Variants in KDM4B observed in about 807,000 individuals in gnomAD.
KDM4B encodes lysine demethylase 4B, also known as lysine-specific demethylase 4B.
KDM4B carries 32 observed loss-of-function variants against 125.2 expected under a neutral mutation model. The ratio of observed to expected loss-of-function variants is 0.26; its 90% CI spans 0.19 to 0.34. The LOEUF is 0.34. Among genes scored for constraint, KDM4B ranks in the 10% least tolerant of loss-of-function variants. The pLI is 1.00. For synonymous variants in KDM4B, 721 were observed against 677.9 expected (o/e 1.06, Z -0.99); for missense variants, 1,190 against 1,577.7 (o/e 0.75, Z 4.16).
At chr19:4,990,984 G>C (rs565494269) in intron 1 of KDM4B, among the ~76,000 whole-genome samples, 1 of 152,248 alleles carries the variant, frequency 6.6e-6, no homozygotes, top group Non-Finnish European at 1.5e-5. Context: ...AGCTGGGCGT[G>C]ATGGCGGGCG....
intron 10 of KDM4B, chr19:5,111,754 T>G: frequency 1.3e-6 from 1 of 765,072 alleles, no homozygotes; most frequent in Non-Finnish European, 2.4e-6. Flanking sequence ...AGCAAACATT[T>G]GTGACTTGGC....
At chr19:5,008,123 T>C (rs2035617258) in intron 1 of KDM4B, among the ~76,000 whole-genome samples, 1 of 152,222 alleles carries the variant, frequency 6.6e-6, no homozygotes, top group Non-Finnish European at 1.5e-5. Flanking sequence ...AAAAAGTTTT[T>C]AAAAAGAGTT....
At chr19:4,972,073 G>A (rs926062488) in intron 1 of KDM4B, among the ~76,000 whole-genome samples, 1 of 152,216 alleles carries the variant, frequency 6.6e-6, no homozygotes, top group African/African-American at 2.4e-5. Context: ...GCTCGATGGG[G>A]TCTTCAGATG....
At position 5,071,000 on chromosome 19, in the gene KDM4B, T is replaced by C; in HGVS notation, c.627-10T>C. 6.2e-7 allele frequency: 1 copy of C among 1,613,516 alleles called. No individual in the cohort carries two copies. The highest frequency in any genetic ancestry group is 8.5e-7 in the Non-Finnish European group (1 of 1,179,948). On this transcript the variant is annotated splice_polypyrimidine_tract_variant and intron_variant, in intron 6 of 22. Coordinates refer to ENST00000159111, the MANE Select transcript of KDM4B (RefSeq NM_015015.3). ...GATCTTGCCTCTGACGTGCCTCCCT[T>C]CTCTCGCAGGTACGCCATCCCACCA...
rs754683186 is a variant in KDM4B at position 5,110,627 on chromosome 19, G to A, written c.924G>A (p.Thr308=). ...IDYGKVATQC[T]CRKDMVKISM... is the part of the protein sequence containing the mutation. Reference sequence around the variant, plus strand: ...GACCGTGTCCCCTGCCGCAGTGCACGTGCCGGAAGGACATGGTCAAGATCT... The same window carrying A: ...GACCGTGTCCCCTGCCGCAGTGCACATGCCGGAAGGACATGGTCAAGATCT... The change falls in exon 10 of 23, where the codon ACG becomes ACA. Residue 308 remains threonine (T), a synonymous_variant. Transcript: ENST00000159111. 1.1e-5 allele frequency: 17 copies of A among 1,612,768 alleles called. No individual in the cohort carries two copies. The highest frequency in any genetic ancestry group is 1.3e-5 in the African/African-American group (1 of 74,912).
intron 10 of KDM4B, 66 bp downstream of exon 10, chr19:5,110,884 C>T (rs1172011400): frequency 8.1e-6 from 11 of 1,354,056 alleles, no homozygotes; most frequent in Non-Finnish European, 1.1e-5. Context: ...CTGGGTGGCC[C>T]AGGCCCCTTC....
At chr19:5,102,036 A>C (rs2038946436) in intron 9 of KDM4B, among the ~76,000 whole-genome samples, 1 of 152,140 alleles carries the variant, frequency 6.6e-6, no homozygotes, top group African/African-American at 2.4e-5. Context: ...GTGCTGCGGC[A>C]GTCCTCGCGC....
chr19:5,104,914 C>T (rs2039005999), intron 9 of KDM4B, among the ~76,000 whole-genome samples: 1 of 152,174 alleles, frequency 6.6e-6, no homozygotes, highest in African/African-American at 2.4e-5. Flanking sequence ...TGTCTGGGCT[C>T]ATTAAGATAA....
intron 9 of KDM4B, among the ~76,000 whole-genome samples, chr19:5,098,221 C>T (rs1230272035): frequency 6.6e-6 from 1 of 152,100 alleles, no homozygotes; most frequent in Admixed American, 6.5e-5. Flanking sequence ...CTCTGGGGAG[C>T]GGATTTCTTT....
intron 6 of KDM4B, among the ~76,000 whole-genome samples, chr19:5,056,818 G>A (rs1205279664): frequency 2.0e-5 from 3 of 151,028 alleles, no homozygotes; most frequent in African/African-American, 4.9e-5. Context: ...CTGGGGCGGG[G>A]AGTCCTGGGG....
rs2039964479 is a variant in KDM4B at position 5,152,438 on chromosome 19, G to C, written c.*927G>C. The C allele has an allele frequency of 6.6e-6, 1 of 152,338 alleles. No homozygotes were observed. The highest frequency in any genetic ancestry group is 1.5e-5 in the Non-Finnish European group (1 of 68,122). The allele number at this position is 152,338 out of a possible 1,614,324, so 9.4% of individuals were successfully genotyped here. On this transcript the variant is annotated 3_prime_UTR_variant, in exon 23 of 23. Transcript: ENST00000159111. ...ACAAAGCACCCCTGCACCTCCTATG[G>C]CTCAGGATGAGGGAGGCCCCCAGGC...
At chr19:4,988,810 G>T (rs79803053) in intron 1 of KDM4B, among the ~76,000 whole-genome samples, 115 of 152,292 alleles carry the variant, frequency 7.6e-4, no homozygotes, top group African/African-American at 2.7e-3. Context: ...AGTCCTCCGG[G>T]TTTTACCTCA....
intron 2 of KDM4B, among the ~76,000 whole-genome samples, chr19:5,022,832 G>A (rs1412618961): frequency 6.6e-6 from 1 of 151,942 alleles, no homozygotes; most frequent in Non-Finnish European, 1.5e-5. Context: ...CAGGTGGGGG[G>A]GCTTGGAGGG....
At chr19:5,135,253 G>A (rs2039627076) in intron 14 of KDM4B, 86 bp from the exon 15 acceptor site, 1 of 874,364 alleles carries the variant, frequency 1.1e-6, no homozygotes, top group East Asian at 2.6e-5. Flanking sequence ...CGAAGCCTGG[G>A]GCAGGTGCCC....
intron 2 of KDM4B, among the ~76,000 whole-genome samples, chr19:5,028,442 C>T (rs988568507): frequency 2.0e-5 from 3 of 152,176 alleles, no homozygotes; most frequent in South Asian, 4.1e-4. Flanking sequence ...CGTATTCCAC[C>T]GCATGGATGG....
rs1398777638 is a variant in KDM4B, at chr19:5,007,548, T to G, written c.-108-8709T>G. On this transcript the variant is annotated intron_variant, in intron 1 of 22. Transcript: ENST00000159111. The stretch of plus-strand genomic sequence containing the variant: ...CTTTTCACTTTCTCTCTCTCTTTTT[T>G]TTTTTTTTTTTTTTTGAGACAGAGT... Among the ~76,000 whole-genome samples, 3 of 147,518 alleles carry G rather than the reference T, an allele frequency of 2.0e-5. No individual in the cohort carries two copies. In the East Asian group the frequency reaches 5.9e-4, roughly 29 times the overall value.
intron 1 of KDM4B, among the ~76,000 whole-genome samples, chr19:4,999,854 T>TATCCATCC (rs1304343804): frequency 1.1e-4 from 12 of 107,326 alleles, no homozygotes; most frequent in East Asian, 3.3e-4. Context: ...CCTATCCATC[T>TATCCATCC]ATCCATCCAT....
rs1282369341 is a variant in KDM4B, at chr19:4,971,900, C to T, written c.-109+2670C>T. Among the ~76,000 whole-genome samples, 2 of 151,856 alleles carry T rather than the reference C, an allele frequency of 1.3e-5. No homozygotes were observed. Among genetic ancestry groups the T allele is most frequent in the South Asian group, 4.2e-4 (2 of 4,792 alleles). On this transcript the variant is annotated intron_variant, in intron 1 of 22. Transcript: ENST00000159111. The surrounding 1 kb of genome is among the most constrained non-coding windows in gnomAD (Gnocchi z 4.1). Reference sequence around the variant, plus strand: ...ATCGGGGGCACTAAATCTTTCGGAGCCCACTGGGCAGGAGGGGACGGAGAG... The same window carrying T: ...ATCGGGGGCACTAAATCTTTCGGAGTCCACTGGGCAGGAGGGGACGGAGAG...
chr19:5,108,840 G>A (rs1056794768), intron 9 of KDM4B, among the ~76,000 whole-genome samples: 5 of 152,220 alleles, frequency 3.3e-5, no homozygotes, highest in African/African-American at 7.2e-5. Flanking sequence ...TGTCTGGCAC[G>A]CGGTCCCTGG....
Sources: gnomAD v4.1 joint callset for allele counts (sites outside exome capture counted in the v4.1 genomes callset) on GRCh38, gnomAD v4.1.1 for gene constraint, Gnocchi (gnomAD v3.1) non-coding constraint, MANE v1.5 for transcripts, NCBI Gene and HGNC (gene_info 2026-07-23, HGNC 2026-07-21) for gene names.